Variants in TFB1M observed in about 807,000 individuals in gnomAD.
TFB1M encodes dimethyladenosine transferase 1, mitochondrial.
Under a neutral mutation model 31.1 loss-of-function variants are expected in TFB1M, and 27 were observed. The ratio of observed to expected loss-of-function variants is 0.87; its 90% CI spans 0.64 to 1.20. The LOEUF is 1.20. TFB1M is among the 50% of genes most tolerant of loss of function. The probability of loss-of-function intolerance (pLI) is 0.00; values close to 1 mark genes in which losing one functional copy is unlikely to be tolerated. For synonymous variants in TFB1M, 166 were observed against 151.8 expected, an observed-to-expected ratio of 1.09 and a Z score of -0.69; for missense variants, 394 against 418.7, an observed-to-expected ratio of 0.94 and a Z score of 0.51.
Position 155,298,506 on chromosome 6 carries a change from G to T in TFB1M, c.365C>A (p.Ser122Ter), listed in dbSNP as rs1368500385. Residue 122 changes from serine (S) to a stop codon, truncating the protein, a stop_gained, in exon 3 of 7, where the codon TCA becomes TAA. Coordinates refer to ENST00000367166, the MANE Select transcript of TFB1M (RefSeq NM_016020.4). LOFTEE classifies it high-confidence loss of function. ...TTCCCAGGGTCTTTTAAGACTTTCT[G>T]AAAAAGCCTTTTCTACCTTAAATGT... Reference protein sequence around the residue: ...VLTFKVEKAFSESLKRPWEDD... With the variant: ...VLTFKVEKAF The T allele has an allele frequency of 6.2e-7, 1 of 1,611,692 alleles. No individual in the cohort carries two copies. Among genetic ancestry groups the T allele is most frequent in the East Asian group, 2.2e-5 (1 of 44,772 alleles).
At chr6:155,239,431 G>C in the TFB1M span, among the ~76,000 whole-genome samples, 7 of 152,214 alleles carry the variant, frequency 4.6e-5, no homozygotes, top group Admixed American at 1.3e-4. Flanking sequence ...CAGATGGGGA[G>C]GTGGTGAAGT....
chr6:155,311,451 C>T (rs1778014828), intron 1 of TFB1M, 112 bp from the exon 2 acceptor site: 1 of 844,416 alleles, frequency 1.2e-6, no homozygotes, highest in Non-Finnish European at 1.9e-6. Context: ...TCAATTGATC[C>T]TTTATGTATA....
intron 4 of TFB1M, among the ~76,000 whole-genome samples, chr6:155,296,182 A>T (rs1777163111): frequency 6.6e-6 from 1 of 152,040 alleles, no homozygotes; most frequent in African/African-American, 2.4e-5. Flanking sequence ...GAGGTGAGGG[A>T]GGAAGTACAA....
intron 4 of TFB1M, among the ~76,000 whole-genome samples, chr6:155,293,157 T>TCATA (rs56359910): frequency 0.23 from 34,246 of 151,250 alleles, 3,943 homozygotes; most frequent in East Asian, 0.33. Context: ...ACTTTAAATA[T>TCATA]CATACATACA....
intron 5 of TFB1M, 136 bp downstream of exon 5, chr6:155,285,022 C>T (rs1204810517): frequency 1.7e-6 from 2 of 1,146,338 alleles, no homozygotes; most frequent in Non-Finnish European, 2.6e-6. Context: ...TTTTGTGGTT[C>T]TTATTCAGAA....
chr6:155,309,629 C>T (rs2114815635), intron 2 of TFB1M, among the ~76,000 whole-genome samples: 1 of 152,164 alleles, frequency 6.6e-6, no homozygotes, highest in South Asian at 2.1e-4. Context: ...AAAGAATAAA[C>T]CCAACGAATG....
the TFB1M span, among the ~76,000 whole-genome samples, chr6:155,239,926 C>G: frequency 6.6e-6 from 1 of 151,144 alleles, no homozygotes; most frequent in African/African-American, 2.4e-5. Flanking sequence ...TCTGCTTCTA[C>G]TCCATTACTA....
chr6:155,270,620 T>C (rs921074944), intron 5 of TFB1M, among the ~76,000 whole-genome samples: 4 of 152,194 alleles, frequency 2.6e-5, no homozygotes, highest in Non-Finnish European at 4.4e-5. Context: ...GAAATGTACA[T>C]TAAATGTACA....
chr6:155,245,613 G>A, the TFB1M span: 2 of 1,608,210 alleles, frequency 1.2e-6, no homozygotes, highest in African/African-American at 1.3e-5. Flanking sequence ...TTTCCCCTCT[G>A]CCCTTCTAGA....
chr6:155,231,006 T>C, the TFB1M span, among the ~76,000 whole-genome samples: 1 of 151,900 alleles, frequency 6.6e-6, no homozygotes, highest in East Asian at 1.9e-4. Flanking sequence ...CTAATTTTTT[T>C]TTTTTTTGTA....
intron 2 of TFB1M, 103 bp downstream of exon 2, chr6:155,311,085 G>A: frequency 7.4e-7 from 1 of 1,343,938 alleles, no homozygotes; most frequent in African/African-American, 1.4e-5. Context: ...TATAGTTGAG[G>A]AAAAACCTAC....
At chr6:155,233,083 C>T in the TFB1M span, among the ~76,000 whole-genome samples, 1 of 152,178 alleles carries the variant, frequency 6.6e-6, no homozygotes, top group Non-Finnish European at 1.5e-5. Context: ...AAGGCGGGCA[C>T]GTAGCTCAGC....
intron 5 of TFB1M, among the ~76,000 whole-genome samples, chr6:155,273,235 T>C (rs543061338): frequency 8.5e-5 from 13 of 152,222 alleles, no homozygotes; most frequent in Admixed American, 3.3e-4. Flanking sequence ...AGAAACTGTA[T>C]GATAGCAGGT....
Position 155,257,710 on chromosome 6 carries a change from G to GAAAAT in TFB1M, c.*121_*125dup. ...TCTCTGCCAAGCTGTATAGTAAAAG[G>GAAAAT]AAAATAAGTCACATCTGGTCATTGG... On this transcript the variant is annotated 3_prime_UTR_variant, in exon 7 of 7. Coordinates refer to ENST00000367166, the MANE Select transcript of TFB1M (RefSeq NM_016020.4). 8.5e-7 allele frequency: 1 copy of GAAAAT among 1,170,298 alleles called. No individual in the cohort carries two copies. The highest frequency in any genetic ancestry group is 1.2e-6 in the Non-Finnish European group (1 of 813,112). 72.5% of individuals were successfully genotyped at this position (1,170,298 alleles called of 1,614,324 possible). A position where few individuals can be genotyped will look rare whatever the true frequency, so the allele number is the denominator to read the frequency against.
chr6:155,308,603 A>G (rs1270927882), intron 2 of TFB1M, among the ~76,000 whole-genome samples: 2 of 152,124 alleles, frequency 1.3e-5, no homozygotes, highest in Non-Finnish European at 1.5e-5. Context: ...CTTTACCACA[A>G]AACTATACTA....
chr6:155,272,945 T>C (rs1785001748), intron 5 of TFB1M, among the ~76,000 whole-genome samples: 1 of 152,122 alleles, frequency 6.6e-6, no homozygotes, highest in African/African-American at 2.4e-5. Context: ...TGAACATAGA[T>C]TGACAACAAA....
the TFB1M span, chr6:155,244,653 CAT>C: frequency 5.6e-6 from 9 of 1,613,758 alleles, no homozygotes; most frequent in Non-Finnish European, 7.6e-6. Flanking sequence ...CTGATCTTCA[CAT>C]AGATGGAGTC....
chr6:155,262,109 A>T (rs1250462300), intron 5 of TFB1M, among the ~76,000 whole-genome samples: 1 of 152,104 alleles, frequency 6.6e-6, no homozygotes, highest in Admixed American at 6.5e-5. Flanking sequence ...GTCATCAGGG[A>T]AAGAGGGACT....
intron 5 of TFB1M, among the ~76,000 whole-genome samples, chr6:155,279,056 A>G (rs1027138927): frequency 1.3e-5 from 2 of 152,134 alleles, no homozygotes; most frequent in Non-Finnish European, 2.9e-5. Flanking sequence ...GTATCTTACA[A>G]TGCACAGGAC....
Sources: allele counts gnomAD v4.1 joint callset (sites outside exome capture counted in the v4.1 genomes callset), GRCh38; gene constraint gnomAD v4.1.1; transcripts MANE v1.5; gene names NCBI Gene and HGNC (gene_info 2026-07-23, HGNC 2026-07-21).